MKX: variants seen among roughly 807,000 people sequenced by gnomAD.
MKX encodes the protein homeobox protein Mohawk.
Under a neutral mutation model 36.0 loss-of-function variants are expected in MKX, and 13 were observed. The observed-to-expected ratio is 0.36, with a 90% CI of 0.24 to 0.57. MKX has a LOEUF of 0.57. MKX is among the 20% of genes least tolerant of loss of function. The pLI, the probability that MKX is intolerant of heterozygous loss-of-function variation, is 0.79. For missense variants in MKX, 458 were observed against 456.4 expected (o/e 1.00, Z -0.03); for synonymous variants, 176 against 178.3 (o/e 0.99, Z 0.10).
At position 27,708,997 on chromosome 10, in the gene MKX, C is replaced by T. The variant is rs533805950; in HGVS notation, c.838+25459G>A. 5.3e-5 allele frequency among the ~76,000 whole-genome samples: 8 copies of T among 151,788 alleles called. No individual in the cohort carries two copies. The South Asian group carries it at 6.3e-4, about 12-fold the overall frequency. On this transcript the variant is annotated intron_variant, in intron 5 of 6. Transcript: ENST00000419761. ...CAGCCTGGCCAGCATGGTGAAACCC[C>T]GTCTGTACTAAAGATAAAAAAATTA...
rs1044475532 is a variant in MKX at position 27,685,545 on chromosome 10, T to A, written c.839-9991A>T. ...CTCACTGCAAGCTCCGCCTCCCGGG[T>A]GCACGCCATTCTCCTGCCTCAGCCT... is the stretch of plus-strand genomic sequence containing the variant. On this transcript the variant is annotated intron_variant, in intron 5 of 6. Transcript: ENST00000419761. Among the ~76,000 whole-genome samples, 21 of 149,196 alleles carry A rather than the reference T, an allele frequency of 1.4e-4. No homozygotes were observed. In the South Asian group the frequency reaches 3.2e-3, roughly 23 times the overall value.
intron 5 of MKX, among the ~76,000 whole-genome samples, chr10:27,710,510 A>ACTC (rs1270473857): frequency 1.1e-4 from 16 of 151,696 alleles, no homozygotes; most frequent in African/African-American, 3.6e-4. Context: ...CCCAGAAGGG[A>ACTC]CTCCTCCTCT....
At position 27,742,554 on chromosome 10, in the gene MKX, G is replaced by A. The variant is rs1323540364; in HGVS notation, c.188+674C>T. Among the ~76,000 whole-genome samples the A allele has an allele frequency of 6.6e-6, 1 of 151,938 alleles. No homozygotes were observed. The highest frequency in any genetic ancestry group is 1.9e-4 in the East Asian group (1 of 5,140). On this transcript the variant is annotated intron_variant, in intron 2 of 6. Transcript: ENST00000419761. The surrounding 1 kb of genome is among the most constrained non-coding windows in gnomAD (Gnocchi z 4.2). ...GGCGCCCGGGGAGCCGCCGGATCGG[G>A]CCAGGCAGAGCCTGCCCTCCACTCA... is the stretch of plus-strand genomic sequence containing the variant.
chr10:27,705,377 G>C (rs1246124266), intron 5 of MKX, among the ~76,000 whole-genome samples: 2 of 152,128 alleles, frequency 1.3e-5, no homozygotes, highest in Non-Finnish European at 2.9e-5. Context: ...TTTATACAGA[G>C]TGAGTCTTAC....
At chr10:27,712,297 T>C (rs1292554224) in intron 5 of MKX, among the ~76,000 whole-genome samples, 1 of 152,144 alleles carries the variant, frequency 6.6e-6, no homozygotes, top group Non-Finnish European at 1.5e-5. Context: ...TATAAACAGG[T>C]GTGCATGAAG....
Position 27,744,757 on chromosome 10 carries a change from C to A in MKX, c.-83+950G>T. On this transcript the variant is annotated intron_variant, in intron 1 of 6. Transcript: ENST00000419761. The surrounding 1 kb of genome is among the most constrained non-coding windows in gnomAD (Gnocchi z 5.6). ...ACACACACACACACCCTTTGCCTCG[C>A]CAAGCGCCCACACTCGCCAACGCCC... 1 of 154,936 alleles carries A rather than the reference C, an allele frequency of 6.5e-6. No homozygotes were observed. Among genetic ancestry groups the A allele is most frequent in the Non-Finnish European group, 1.4e-5 (1 of 70,426 alleles). 9.6% of individuals were successfully genotyped at this position (154,936 alleles called of 1,614,324 possible). A position where few individuals can be genotyped will look rare whatever the true frequency, so the allele number is the denominator to read the frequency against.
In MKX at chr10:27,675,019, T is replaced by C; in HGVS notation, c.*210A>G. The C allele has an allele frequency of 2.1e-6, 1 of 465,364 alleles. No individual in the cohort carries two copies. Among genetic ancestry groups the C allele is most frequent in the South Asian group, 3.5e-5 (1 of 28,828 alleles). The allele number at this position is 465,364 out of a possible 1,614,324, so 28.8% of individuals were successfully genotyped here. ...GCAGATGTTTTATGCATAGTTTGAG[T>C]AACATAAAATAAGTTAATATTTTTG... On this transcript the variant is annotated 3_prime_UTR_variant, in exon 7 of 7. Transcript: ENST00000419761.
At chr10:27,697,821 G>C (rs1188174044) in intron 5 of MKX, among the ~76,000 whole-genome samples, 1 of 152,310 alleles carries the variant, frequency 6.6e-6, no homozygotes, top group East Asian at 1.9e-4. Context: ...TGGGAACAGA[G>C]GGGGGTTGGA....
chr10:27,719,413 CTCT>C (rs1299306941), intron 5 of MKX, among the ~76,000 whole-genome samples: 1 of 152,088 alleles, frequency 6.6e-6, no homozygotes, highest in Non-Finnish European at 1.5e-5. Flanking sequence ...TAGGGCATAC[CTCT>C]TCTTCCTCTC....
chr10:27,677,844 C>A (rs1234590079), intron 5 of MKX, among the ~76,000 whole-genome samples: 6 of 152,178 alleles, frequency 3.9e-5, no homozygotes, highest in Non-Finnish European at 8.8e-5. Flanking sequence ...TTTTAGGGAT[C>A]CTTTGGGGGA....
At chr10:27,718,645 G>C in intron 5 of MKX, 1 of 392,668 alleles carries the variant, frequency 2.5e-6, no homozygotes, top group Non-Finnish European at 5.1e-6. Flanking sequence ...CAAGCTTAAC[G>C]ACATAGTAAA....
intron 5 of MKX, among the ~76,000 whole-genome samples, chr10:27,732,546 GTTTAA>G (rs1250036473): frequency 1.3e-5 from 2 of 151,700 alleles, no homozygotes; most frequent in African/African-American, 4.8e-5. Context: ...ATTTTTGCTT[GTTTAA>G]TTTATTATTG....
At chr10:27,727,910 T>C (rs1251250680) in intron 5 of MKX, among the ~76,000 whole-genome samples, 1 of 152,156 alleles carries the variant, frequency 6.6e-6, no homozygotes, top group African/African-American at 2.4e-5. Flanking sequence ...AGAAGAAAAT[T>C]CTCTATTTTT....
intron 2 of MKX, 70 bp downstream of exon 2, chr10:27,743,158 C>A (rs1477735335): frequency 7.4e-7 from 1 of 1,349,188 alleles, no homozygotes; most frequent in Admixed American, 4.0e-5. Context: ...GCCACGGGAC[C>A]CCGTCACAGC....
At position 27,715,304 on chromosome 10, in the gene MKX, C is replaced by T. The variant is rs533883923; in HGVS notation, c.838+19152G>A. ...TGGGATTCTAAGACCAAAATGCCAC[C>T]GGCCTGTGCTACAGAGAAGGCTTGG... On this transcript the variant is annotated intron_variant, in intron 5 of 6. Transcript: ENST00000419761. 7.9e-5 allele frequency among the ~76,000 whole-genome samples: 12 copies of T among 152,298 alleles called. No homozygotes were observed. The South Asian group carries it at 1.0e-3, about 13-fold the overall frequency.
intron 5 of MKX, among the ~76,000 whole-genome samples, chr10:27,721,605 A>G (rs1834381449): frequency 6.6e-6 from 1 of 152,144 alleles, no homozygotes; most frequent in Admixed American, 6.5e-5. Flanking sequence ...GAGGGTAACA[A>G]CACACACTAG....
intron 4 of MKX, 127 bp from the exon 5 acceptor site, chr10:27,734,918 A>T: frequency 1.8e-6 from 1 of 570,908 alleles, no homozygotes; most frequent in Non-Finnish European, 2.7e-6. Context: ...TATCTTTGAT[A>T]GTCAAGATCA....
chr10:27,706,503 G>A (rs1362751074), intron 5 of MKX, among the ~76,000 whole-genome samples: 1 of 151,768 alleles, frequency 6.6e-6, no homozygotes, highest in Non-Finnish European at 1.5e-5. Flanking sequence ...CAGTGCTCAA[G>A]GGTCCTGATT....
chr10:27,703,808 G>A (rs1836704494), intron 5 of MKX, among the ~76,000 whole-genome samples: 2 of 152,106 alleles, frequency 1.3e-5, no homozygotes, highest in Admixed American at 6.5e-5. Context: ...GCTGAGGCAG[G>A]AGAATCGCTT....
Sources: gnomAD v4.1 joint callset for allele counts (sites outside exome capture counted in the v4.1 genomes callset) on GRCh38, gnomAD v4.1.1 for gene constraint, Gnocchi (gnomAD v3.1) non-coding constraint, MANE v1.5 for transcripts, NCBI Gene and HGNC (gene_info 2026-07-23, HGNC 2026-07-21) for gene names.